Variants in ANKS1B observed in about 807,000 individuals in gnomAD.
The protein encoded by ANKS1B is ankyrin repeat and sterile alpha motif domain-containing protein 1B.
ANKS1B carries 36 observed loss-of-function variants against 148.3 expected under a neutral mutation model. That is an observed-to-expected ratio of 0.24 (90% CI 0.19 to 0.32). The LOEUF (loss-of-function observed/expected upper bound fraction) is 0.32. ANKS1B is among the 10% of genes least tolerant of loss of function. ANKS1B has a pLI of 1.00. For missense variants in ANKS1B, 1,157 were observed against 1,542.6 expected, an observed-to-expected ratio of 0.75 and a Z score of 4.19; for synonymous variants, 542 against 560.8, an observed-to-expected ratio of 0.97 and a Z score of 0.47.
At position 99,145,425 on chromosome 12, in the gene ANKS1B, G is replaced by T. The variant is rs186884520; in HGVS notation, c.2526+8864C>A. ...GGTGAGCAAGTTCCAGGTCAGTAGC[G>T]GAAGGCTCCCTGGAGCAAGGGGAGC... On this transcript the variant is annotated intron_variant, in intron 15 of 26. Coordinates refer to ENST00000683438, the MANE Select transcript of ANKS1B (RefSeq NM_001352186.2). 9.5e-4 allele frequency among the ~76,000 whole-genome samples: 144 copies of T among 152,162 alleles called. 1 individual carries two copies. The highest frequency in any genetic ancestry group is 9.6e-4 in the Non-Finnish European group (65 of 67,968).
chr12:98,745,204 T>C lies in ANKS1B; in HGVS notation c.*535A>G, dbSNP rs764658752. 92 of 985,670 alleles carry C rather than the reference T, an allele frequency of 9.3e-5. No individual in the cohort carries two copies. The highest frequency in any genetic ancestry group is 1.1e-4 in the Non-Finnish European group (89 of 829,942). The allele number at this position is 985,670 out of a possible 1,614,324, so 61.1% of individuals were successfully genotyped here. A position where few individuals can be genotyped will look rare whatever the true frequency, so the allele number is the denominator to read the frequency against. On this transcript the variant is annotated 3_prime_UTR_variant, in exon 27 of 27. Coordinates refer to ENST00000683438, the MANE Select transcript of ANKS1B (RefSeq NM_001352186.2). ...ATAGAAATGGGGAAACAGAATCTCC[T>C]GGCAATCATATCACGGGAGTTGTTT...
intron 17 of ANKS1B, among the ~76,000 whole-genome samples, chr12:98,948,666 G>GT (rs1467720246): frequency 6.6e-6 from 1 of 151,816 alleles, no homozygotes; most frequent in African/African-American, 2.4e-5. Context: ...TAGGTGCTTT[G>GT]TATCATGGAC....
chr12:99,936,258 A>G (rs951959087), intron 1 of ANKS1B, among the ~76,000 whole-genome samples: 8 of 152,238 alleles, frequency 5.3e-5, no homozygotes, highest in Non-Finnish European at 8.8e-5. Context: ...TGGTAACAGA[A>G]GATGAGAACA....
intron 17 of ANKS1B, among the ~76,000 whole-genome samples, chr12:99,011,656 T>C (rs1378196687): frequency 1.3e-5 from 2 of 152,204 alleles, no homozygotes; most frequent in Admixed American, 6.5e-5. Flanking sequence ...TGATGCAACA[T>C]ATATGTTTCT....
At chr12:99,886,319 CTG>C (rs2092818986) in intron 1 of ANKS1B, among the ~76,000 whole-genome samples, 1 of 152,196 alleles carries the variant, frequency 6.6e-6, no homozygotes. Context: ...ATGGTAAGCT[CTG>C]TGAGGGAAGA....
chr12:99,608,739 C>T (rs1219267203), intron 9 of ANKS1B, among the ~76,000 whole-genome samples: 1 of 152,060 alleles, frequency 6.6e-6, no homozygotes, highest in Non-Finnish European at 1.5e-5. Flanking sequence ...AAAAGGAGGT[C>T]AGGGGCACCT....
rs2073926014 is a variant in ANKS1B, at chr12:99,246,846, T to C, written c.1775A>G (p.Asp592Gly). Residue 592 changes from aspartate to glycine, a missense_variant, in exon 13 of 27, where the codon GAT (aspartate) becomes GGT (glycine). Physicochemically the swap from Asp to Gly is moderately conservative, Grantham distance 94. Transcript: ENST00000683438. ...ATATTCTTTTGGGGGATCATTGTCA[T>C]CCTGTCGGGAGAGGTCATCTGCAAA... is the stretch of plus-strand genomic sequence containing the variant. ...TNHTDDLSRQ[D>G]DNDPPKEYDP... 1.3e-6 allele frequency: 2 copies of C among 1,595,794 alleles called. No individual in the cohort carries two copies.
At chr12:99,698,569 G>GA (rs1182416054) in intron 8 of ANKS1B, among the ~76,000 whole-genome samples, 37 of 150,498 alleles carry the variant, frequency 2.5e-4, no homozygotes, top group Non-Finnish European at 4.4e-4. Context: ...CATGACTTAA[G>GA]AAAAAAAAAT....
At chr12:99,156,141 C>T (rs1190014753) in intron 14 of ANKS1B, among the ~76,000 whole-genome samples, 1 of 152,104 alleles carries the variant, frequency 6.6e-6, no homozygotes, top group African/African-American at 2.4e-5. Context: ...TTTCCTGGCA[C>T]ACAGACATTA....
At chr12:99,288,916 A>C (rs2079520551) in intron 12 of ANKS1B, among the ~76,000 whole-genome samples, 1 of 152,122 alleles carries the variant, frequency 6.6e-6, no homozygotes, top group African/African-American at 2.4e-5. Context: ...TATCAATACC[A>C]CTGAATGTAA....
At chr12:99,980,153 A>G (rs937171411) in intron 1 of ANKS1B, among the ~76,000 whole-genome samples, 33 of 151,892 alleles carry the variant, frequency 2.2e-4, no homozygotes, top group African/African-American at 7.5e-4. Flanking sequence ...TTCACAGGTC[A>G]TTGAAAAAAA....
At chr12:99,409,310 A>C (rs1362056555) in intron 11 of ANKS1B, among the ~76,000 whole-genome samples, 2 of 152,156 alleles carry the variant, frequency 1.3e-5, no homozygotes, top group Non-Finnish European at 2.9e-5. Flanking sequence ...AAAACAATTG[A>C]ACTCACAGTG....
rs186293636 is a variant in ANKS1B at position 99,049,305 on chromosome 12, C to T, written c.2778+3852G>A. Among the ~76,000 whole-genome samples the T allele has an allele frequency of 8.6e-5, 13 of 151,842 alleles. No homozygotes were observed. The East Asian group carries it at 1.4e-3, about 16-fold the overall frequency. Reference sequence around the variant, plus strand: ...TTTACCTTTATTCAATATGTACACACGCACACACACACACACACCCACACA... The same window carrying T: ...TTTACCTTTATTCAATATGTACACATGCACACACACACACACACCCACACA... On this transcript the variant is annotated intron_variant, in intron 17 of 26. Coordinates refer to ENST00000683438, the MANE Select transcript of ANKS1B (RefSeq NM_001352186.2).
chr12:99,195,884 G>T (rs147903438), intron 14 of ANKS1B, among the ~76,000 whole-genome samples: 1 of 151,856 alleles, frequency 6.6e-6, no homozygotes, highest in African/African-American at 2.4e-5. Context: ...AATTTAAGGC[G>T]CAAGAAAATA....
At chr12:99,974,142 G>C (rs1357100840) in intron 1 of ANKS1B, among the ~76,000 whole-genome samples, 1 of 152,194 alleles carries the variant, frequency 6.6e-6, no homozygotes. Context: ...CAACAACATT[G>C]AGACAAGACC....
intron 14 of ANKS1B, among the ~76,000 whole-genome samples, chr12:99,163,579 A>G (rs996164139): frequency 1.3e-5 from 2 of 152,052 alleles, no homozygotes; most frequent in Non-Finnish European, 1.5e-5. Flanking sequence ...CAGCACCATC[A>G]TAAGAATCCC....
chr12:98,957,034 TATC>T (rs1440985734), intron 17 of ANKS1B, among the ~76,000 whole-genome samples: 2 of 152,284 alleles, frequency 1.3e-5, no homozygotes, highest in African/African-American at 4.8e-5. Flanking sequence ...CCTCAAAAGG[TATC>T]ATTGAAAAAC....
chr12:99,383,399 T>C (rs2093725153), intron 12 of ANKS1B, among the ~76,000 whole-genome samples: 1 of 152,202 alleles, frequency 6.6e-6, no homozygotes, highest in Non-Finnish European at 1.5e-5. Flanking sequence ...TAAAATGGCT[T>C]ATGAAGCCCT....
chr12:99,566,736 C>T (rs1205152755), intron 9 of ANKS1B, among the ~76,000 whole-genome samples: 2 of 152,166 alleles, frequency 1.3e-5, no homozygotes, highest in African/African-American at 4.8e-5. Context: ...ATGAGCCTCA[C>T]TAGATGACGG....
Sources: gnomAD v4.1 joint callset for allele counts (sites outside exome capture counted in the v4.1 genomes callset) on GRCh38, gnomAD v4.1.1 for gene constraint, MANE v1.5 for transcripts, NCBI Gene and HGNC (gene_info 2026-07-23, HGNC 2026-07-21) for gene names.